Variants in S100A11 observed in about 807,000 individuals in gnomAD.
S100A11 encodes protein S100-A11.
S100A11 carries 5 observed loss-of-function variants against 7.4 expected under a neutral mutation model. The ratio of observed to expected loss-of-function variants is 0.68; its 90% confidence interval spans 0.35 to 1.42. S100A11 has a LOEUF of 1.42. Ranked by LOEUF, S100A11 falls within the 40% of genes most tolerant of loss-of-function variation. The probability of loss-of-function intolerance (pLI) is 0.04; values close to 1 mark genes in which losing one functional copy is unlikely to be tolerated. For synonymous variants in S100A11, 47 were observed against 46.6 expected (o/e 1.01, Z -0.04); for missense variants, 96 against 125.0 (o/e 0.77, Z 1.11).
rs1182176950 is a variant in S100A11, at chr1:152,033,708, G to A, written c.96C>T (p.Tyr32=). 3.1e-6 allele frequency: 5 copies of A among 1,613,298 alleles called. No homozygotes were observed. The South Asian group carries it at 4.4e-5, about 14-fold the overall frequency. Residue 32 remains tyrosine, a synonymous_variant, in exon 2 of 3, where the codon TAC becomes TAT. Coordinates refer to ENST00000271638, the MANE Select transcript of S100A11 (RefSeq NM_005620.2). This position sits in a 1 kb window ranked among gnomAD's most constrained non-coding sequence, Gnocchi z 4.0. ...TTAGGAACTCTGTCTTGGAGAGAGT[G>A]TAGTTATAACCATCCTTTCCAGCAT... ...QKYAGKDGYN[Y]TLSKTEFLSF...
rs1656770201 is a variant in S100A11, at chr1:152,033,036, C to A, written c.157-213G>T. ...AACCAAAGGTTTTCCCACTCCTAGT[C>A]CAGGGCTCTTTCTATGATATTAGGG... On this transcript the variant is annotated intron_variant, in intron 2 of 2. Transcript: ENST00000271638. This position sits in a 1 kb window ranked among gnomAD's most constrained non-coding sequence, Gnocchi z 4.0. 6.6e-6 allele frequency among the ~76,000 whole-genome samples: 1 copy of A among 152,182 alleles called. No individual in the cohort carries two copies. Among genetic ancestry groups the A allele is most frequent in the Non-Finnish European group, 1.5e-5 (1 of 68,030 alleles).
At position 152,033,458 on chromosome 1, in the gene S100A11, A is replaced by G. The variant is rs1233132868; in HGVS notation, c.156+190T>C. ...GGGTAGAATAATGAAATTTGAAAAT[A>G]ATTCCATTACGTCATATACCATTTC... On this transcript the variant is annotated intron_variant, in intron 2 of 2. Transcript: ENST00000271638. The surrounding 1 kb of genome is among the most constrained non-coding windows in gnomAD (Gnocchi z 4.0). 6.6e-6 allele frequency among the ~76,000 whole-genome samples: 1 copy of G among 152,226 alleles called. No homozygotes were observed. The highest frequency in any genetic ancestry group is 2.4e-5 in the African/African-American group (1 of 41,448).
In S100A11 at chr1:152,032,570, T is replaced by C; in HGVS notation, c.*92A>G. On this transcript the variant is annotated 3_prime_UTR_variant, in exon 3 of 3. Transcript: ENST00000271638. Reference sequence around the variant, plus strand: ...GCAGGTGGGGCCTGCATGAGGTGGTTAGTGTGCTCAGGGGATGGGTGGGCT... The same window carrying C: ...GCAGGTGGGGCCTGCATGAGGTGGTCAGTGTGCTCAGGGGATGGGTGGGCT... The C allele has an allele frequency of 8.7e-7, 1 of 1,143,714 alleles. No homozygotes were observed. Among genetic ancestry groups the C allele is most frequent in the Non-Finnish European group, 1.3e-6 (1 of 796,514 alleles). The allele number at this position is 1,143,714 out of a possible 1,614,324, so 70.8% of individuals were successfully genotyped here.
intron 1 of S100A11, among the ~76,000 whole-genome samples, chr1:152,036,007 A>C (rs1417841634): frequency 6.6e-6 from 1 of 152,180 alleles, no homozygotes; most frequent in Non-Finnish European, 1.5e-5. Flanking sequence ...CTGTTCCAAT[A>C]CTTCATTTAT....
Position 152,033,339 on chromosome 1 carries a change from T to C in S100A11, c.156+309A>G, listed in dbSNP as rs1656775428. Among the ~76,000 whole-genome samples, 1 of 152,246 alleles carries C rather than the reference T, an allele frequency of 6.6e-6. No individual in the cohort carries two copies. The highest frequency in any genetic ancestry group is 2.1e-4 in the South Asian group (1 of 4,836). On this transcript the variant is annotated intron_variant, in intron 2 of 2. Transcript: ENST00000271638. This position sits in a 1 kb window ranked among gnomAD's most constrained non-coding sequence, Gnocchi z 4.0. ...ATTTCAAGCACTCAGCAGACACATGTGGCTGGTGGCTACCATGTTGGATAG... is the reference window on the plus strand; with the variant it reads ...ATTTCAAGCACTCAGCAGACACATGCGGCTGGTGGCTACCATGTTGGATAG...
Position 152,033,689 on chromosome 1 carries a change from ACT to A in S100A11, c.113_114del (p.Glu38ValfsTer23), listed in dbSNP as rs1347716899. The A allele has an allele frequency of 3.1e-6, 5 of 1,613,490 alleles. No individual in the cohort carries two copies. Among genetic ancestry groups the A allele is most frequent in the Non-Finnish European group, 4.2e-6 (5 of 1,179,790 alleles). On this transcript the variant is annotated frameshift_variant, in exon 2 of 3. Transcript: ENST00000271638. LOFTEE classifies it high-confidence loss of function. This position sits in a 1 kb window ranked among gnomAD's most constrained non-coding sequence, Gnocchi z 4.0. ...AGTTCTGTATTCATGAAGCTTAGGA[ACT>A]CTGTCTTGGAGAGAGTGTAGTTATA... is the stretch of plus-strand genomic sequence containing the variant. ...DGYNYTLSKTEFLSFMNTELA... is the reference protein window; with the variant it reads ...DGYNYTLSKTXFLSFMNTELA...
chr1:152,035,061 C>G (rs948678829), intron 1 of S100A11, among the ~76,000 whole-genome samples: 4 of 152,166 alleles, frequency 2.6e-5, no homozygotes, highest in Non-Finnish European at 5.9e-5. Context: ...CCCCTGAACC[C>G]TAAGAGAGGT....
chr1:152,036,614 G>GC (rs1557787613), intron 1 of S100A11, among the ~76,000 whole-genome samples: 1 of 138,958 alleles, frequency 7.2e-6, no homozygotes, highest in African/African-American at 3.1e-5. Flanking sequence ...CCCACGACGG[G>GC]TCCCCCCCCC....
intron 1 of S100A11, among the ~76,000 whole-genome samples, chr1:152,035,642 A>T (rs1485860176): frequency 6.6e-6 from 1 of 152,212 alleles, no homozygotes; most frequent in Non-Finnish European, 1.5e-5. Flanking sequence ...CACTTTGGAG[A>T]TGGGTCCTGA....
chr1:152,035,184 CA>C (rs1197217933), intron 1 of S100A11, among the ~76,000 whole-genome samples: 3 of 152,162 alleles, frequency 2.0e-5, no homozygotes, highest in Non-Finnish European at 4.4e-5. Context: ...AGGGGAGAAA[CA>C]AAATACCACA....
chr1:152,036,405 TG>T (rs1656830831), intron 1 of S100A11, among the ~76,000 whole-genome samples: 1 of 152,206 alleles, frequency 6.6e-6, no homozygotes, highest in South Asian at 2.1e-4. Context: ...TCAGTCCCGT[TG>T]GGTCTTGGCC....
chr1:152,035,221 G>A (rs554407052), intron 1 of S100A11, among the ~76,000 whole-genome samples: 1 of 152,328 alleles, frequency 6.6e-6, no homozygotes, highest in South Asian at 2.1e-4. Context: ...TGTTTGTTCT[G>A]TTACAACATG....
chr1:152,034,276 AT>A (rs1402597670), intron 1 of S100A11, among the ~76,000 whole-genome samples: 23 of 152,334 alleles, frequency 1.5e-4, no homozygotes, highest in African/African-American at 5.3e-4. Context: ...GGACTCACAC[AT>A]TTCCTTAGAG....
At position 152,036,988 on chromosome 1, in the gene S100A11, GTCTGGAGCC is replaced by G. The variant is rs1656848021; in HGVS notation, c.-82_-74del. 6.2e-7 allele frequency: 1 copy of G among 1,607,530 alleles called. No homozygotes were observed. The highest frequency in any genetic ancestry group is 8.5e-7 in the Non-Finnish European group (1 of 1,177,486). ...AGAGCTCTGTGCGCGCGGCGTGCGGGTCTGGAGCCTCTCCTCAACCCACGCCCTTCCCGG... is the reference window on the plus strand; with the variant it reads ...AGAGCTCTGTGCGCGCGGCGTGCGGGTCTCCTCAACCCACGCCCTTCCCGG... On this transcript the variant is annotated 5_prime_UTR_variant, in exon 1 of 3. Transcript: ENST00000271638.
intron 1 of S100A11, among the ~76,000 whole-genome samples, chr1:152,035,925 C>A (rs1198109032): frequency 6.6e-6 from 1 of 152,184 alleles, no homozygotes; most frequent in East Asian, 1.9e-4. Context: ...TAACCAACAC[C>A]CTCCGGAGCT....
Position 152,033,877 on chromosome 1 carries a change from CTT to C in S100A11, c.4-79_4-78del, listed in dbSNP as rs1656785685. The stretch of plus-strand genomic sequence containing the variant: ...GATACTGGAGAAAACTCCAGGGACT[CTT>C]ATTTCAGGTCAAAGCAGTTTCCTAA... On this transcript the variant is annotated intron_variant, in intron 1 of 2. Coordinates refer to ENST00000271638, the MANE Select transcript of S100A11 (RefSeq NM_005620.2). The surrounding 1 kb of genome is among the most constrained non-coding windows in gnomAD (Gnocchi z 4.0). The C allele has an allele frequency of 1.5e-6, 2 of 1,314,248 alleles. No individual in the cohort carries two copies. The highest frequency in any genetic ancestry group is 1.2e-5 in the South Asian group (1 of 83,598). The allele number at this position is 1,314,248 out of a possible 1,614,324, so 81.4% of individuals were successfully genotyped here.
Position 152,033,915 on chromosome 1 carries a change from C to A in S100A11, c.4-115G>T, listed in dbSNP as rs1656786604. On this transcript the variant is annotated intron_variant, in intron 1 of 2. Coordinates refer to ENST00000271638, the MANE Select transcript of S100A11 (RefSeq NM_005620.2). The surrounding 1 kb of genome is among the most constrained non-coding windows in gnomAD (Gnocchi z 4.0). ...AAAGCAGTTTCCTAAAAGACTGAGT[C>A]ATTTTTTCAAGGGGCTGAGGGGTTC... 1.1e-6 allele frequency: 1 copy of A among 931,276 alleles called. No homozygotes were observed. 57.7% of individuals were successfully genotyped at this position (931,276 alleles called of 1,614,324 possible). A position where few individuals can be genotyped will look rare whatever the true frequency, so the allele number is the denominator to read the frequency against.
chr1:152,034,917 A>G (rs1656804660), intron 1 of S100A11, among the ~76,000 whole-genome samples: 1 of 152,196 alleles, frequency 6.6e-6, no homozygotes, highest in Non-Finnish European at 1.5e-5. Flanking sequence ...CTCACTCCGT[A>G]ATTAACACGT....
chr1:152,032,845 C>T, intron 2 of S100A11, 22 bp from the exon 3 acceptor site: 1 of 1,573,422 alleles, frequency 6.4e-7, no homozygotes, highest in East Asian at 2.2e-5. Context: ...ATAATAATTA[C>T]ACCTTTATAT....
Sources: gnomAD v4.1 joint callset for allele counts (sites outside exome capture counted in the v4.1 genomes callset) on GRCh38, gnomAD v4.1.1 for gene constraint, Gnocchi (gnomAD v3.1) non-coding constraint, MANE v1.5 for transcripts, NCBI Gene and HGNC (gene_info 2026-07-23, HGNC 2026-07-21) for gene names.